Variants in EXTL3 observed in about 807,000 individuals in gnomAD.
The protein encoded by EXTL3 is exostosin like glycosyltransferase 3.
Under a neutral mutation model 69.3 loss-of-function variants are expected in EXTL3, and 27 were observed. The ratio of observed to expected loss-of-function variants is 0.39; its 90% CI spans 0.29 to 0.54. The LOEUF (loss-of-function observed/expected upper bound fraction) is 0.54, where lower values mean the gene tolerates loss of function less well. Ranked by LOEUF, EXTL3 falls within the 20% of genes least tolerant of loss-of-function variation. The pLI, the probability that EXTL3 is intolerant of heterozygous loss-of-function variation, is 0.69. For synonymous variants in EXTL3, 511 were observed against 499.4 expected, an observed-to-expected ratio of 1.02 and a Z score of -0.31; for missense variants, 1,003 against 1,231.8, an observed-to-expected ratio of 0.81 and a Z score of 2.78.
chr8:28,756,142 C>G (rs1230432768), downstream of EXTL3, among the ~76,000 whole-genome samples: 1 of 152,190 alleles, frequency 6.6e-6, no homozygotes, highest in Non-Finnish European at 1.5e-5. Context: ...AGTGTGCATT[C>G]TTTTGAGTTC....
intron 1 of EXTL3, among the ~76,000 whole-genome samples, chr8:28,674,633 C>T (rs1335252148): frequency 6.6e-6 from 1 of 152,234 alleles, no homozygotes; most frequent in Non-Finnish European, 1.5e-5. Flanking sequence ...GTTGAACTCA[C>T]AGCTTTGCAG....
chr8:28,729,511 A>G (rs1801488110), intron 3 of EXTL3, among the ~76,000 whole-genome samples: 3 of 142,864 alleles, frequency 2.1e-5, no homozygotes, highest in African/African-American at 5.2e-5. Context: ...CAGGAGAATC[A>G]CTTGAACTCA....
chr8:28,746,167 T>C (rs1263331883), intron 6 of EXTL3, among the ~76,000 whole-genome samples: 4 of 152,200 alleles, frequency 2.6e-5, no homozygotes, highest in African/African-American at 9.6e-5. Flanking sequence ...CTATTCCTTG[T>C]TTGAGTTAGG....
chr8:28,638,202 A>C (rs949904504), intron 1 of EXTL3, among the ~76,000 whole-genome samples: 27 of 152,158 alleles, frequency 1.8e-4, no homozygotes, highest in African/African-American at 5.3e-4. Flanking sequence ...GACAGAACCC[A>C]AACTCATGGT....
At position 28,612,039 on chromosome 8, in the gene EXTL3, C is replaced by CGGTT. The variant is rs1225545822; in HGVS notation, n.314+4282_314+4283insGTTG. Among the ~76,000 whole-genome samples, 3 of 152,334 alleles carry CGGTT rather than the reference C, an allele frequency of 2.0e-5. No homozygotes were observed. In the East Asian group the frequency reaches 5.8e-4, roughly 29 times the overall value. On this transcript the variant is annotated intron_variant and non_coding_transcript_variant, in intron 2 of 4. Transcript: ENST00000522725. ...TATTCTGATGGCAGACAGGAAGAAC[C>CGGTT]GCTCCAGCTTAGTGGCGTGATGTTT...
intron 1 of EXTL3, among the ~76,000 whole-genome samples, chr8:28,639,843 C>T (rs1806715761): frequency 6.6e-6 from 1 of 152,234 alleles, no homozygotes; most frequent in African/African-American, 2.4e-5. Flanking sequence ...TGGCTCATGC[C>T]TGTAATCCCA....
intron 1 of EXTL3, among the ~76,000 whole-genome samples, chr8:28,708,341 C>G (rs1225856837): frequency 6.6e-6 from 1 of 151,820 alleles, no homozygotes; most frequent in African/African-American, 2.4e-5. Context: ...AAACATAGGG[C>G]CTTGGTCTCC....
chr8:28,749,172 C>G (rs573274453), intron 6 of EXTL3, among the ~76,000 whole-genome samples: 13 of 152,130 alleles, frequency 8.5e-5, no homozygotes, highest in African/African-American at 2.9e-4. Flanking sequence ...AACAGCTGAT[C>G]ATGAGCAGGA....
intron 1 of EXTL3, among the ~76,000 whole-genome samples, chr8:28,707,604 A>C (rs1032078620): frequency 6.6e-6 from 1 of 152,150 alleles, no homozygotes; most frequent in African/African-American, 2.4e-5. Flanking sequence ...ATTACTATCA[A>C]TTCTTCATTA....
intron 1 of EXTL3, among the ~76,000 whole-genome samples, chr8:28,647,947 A>AGATGGGTTGGG (rs1806860590): frequency 4.2e-5 from 1 of 23,848 alleles, no homozygotes; most frequent in Admixed American, 6.3e-4. Flanking sequence ...TGGGGGCACT[A>AGATGGGTTGGG]GATGGGTTGG....
In EXTL3 at chr8:28,716,148, C is replaced by T. The variant is rs1563214321; in HGVS notation, c.89C>T (p.Thr30Met). The part of the protein sequence containing the change: ...MLRWSNRIRL[T>M]WLSFTLFVIL... ...CGCTGGTCCAACCGCATCCGCCTCA[C>T]GTGGCTCAGCTTCACGCTCTTTGTC... The change falls in exon 3 of 7, where the codon ACG becomes ATG. Residue 30 changes from threonine (T) to methionine (M), a missense_variant. Transcript: ENST00000220562. The surrounding 1 kb of genome is among the most constrained non-coding windows in gnomAD (Gnocchi z 7.1). 3 of 1,614,100 alleles carry T rather than the reference C, an allele frequency of 1.9e-6. No homozygotes were observed. Among genetic ancestry groups the T allele is most frequent in the East Asian group, 2.2e-5 (1 of 44,880 alleles).
intron 1 of EXTL3, among the ~76,000 whole-genome samples, chr8:28,708,355 A>G (rs1174610625): frequency 6.6e-6 from 1 of 151,894 alleles, no homozygotes; most frequent in Non-Finnish European, 1.5e-5. Context: ...GGTCTCCTGT[A>G]ACTTGGGAAG....
intron 1 of EXTL3, among the ~76,000 whole-genome samples, chr8:28,634,293 G>C (rs78179565): frequency 6.6e-6 from 1 of 152,214 alleles, no homozygotes; most frequent in East Asian, 1.9e-4. Flanking sequence ...GTTCTTCATT[G>C]TTCTTAAGCC....
intron 1 of EXTL3, among the ~76,000 whole-genome samples, chr8:28,688,863 C>T (rs190773874): frequency 6.6e-5 from 10 of 152,312 alleles, no homozygotes; most frequent in Admixed American, 3.3e-4. Flanking sequence ...GAGTTAAGGA[C>T]ATCTCTTTGT....
At chr8:28,719,112 C>T (rs750926258) in intron 3 of EXTL3, among the ~76,000 whole-genome samples, 25 of 152,142 alleles carry the variant, frequency 1.6e-4, no homozygotes, top group Admixed American at 1.5e-3. Context: ...ATGGGCCACA[C>T]GTTGCTAGAA....
upstream of EXTL3, among the ~76,000 whole-genome samples, chr8:28,621,348 C>G (rs539056451): frequency 6.6e-6 from 1 of 152,184 alleles, no homozygotes; most frequent in African/African-American, 2.4e-5. Flanking sequence ...ATGAAGCTGG[C>G]CATCTACAAC....
At chr8:28,635,580 G>A (rs1391779688) in intron 1 of EXTL3, among the ~76,000 whole-genome samples, 6 of 150,070 alleles carry the variant, frequency 4.0e-5, no homozygotes, top group African/African-American at 7.4e-5. Context: ...GCATAGTGGC[G>A]GGTGCCTGTA....
At chr8:28,733,691 G>A (rs566283282) in intron 4 of EXTL3, among the ~76,000 whole-genome samples, 23 of 148,428 alleles carry the variant, frequency 1.5e-4, no homozygotes, top group African/African-American at 5.5e-4. Flanking sequence ...CCATACAGTT[G>A]TGATTTGCAT....
intron 2 of EXTL3, among the ~76,000 whole-genome samples, chr8:28,613,995 T>C (rs547995837): frequency 6.6e-6 from 1 of 152,006 alleles, no homozygotes; most frequent in African/African-American, 2.4e-5. Flanking sequence ...AGCTACTTTT[T>C]TTATGTTTTT....
Sources: allele counts gnomAD v4.1 joint callset (sites outside exome capture counted in the v4.1 genomes callset), GRCh38; gene constraint gnomAD v4.1.1; non-coding constraint Gnocchi (gnomAD v3.1); transcripts MANE v1.5; gene names NCBI Gene and HGNC (gene_info 2026-07-23, HGNC 2026-07-21).